Variants in ARHGAP32 observed in about 807,000 individuals in gnomAD.
The protein encoded by ARHGAP32 is rho GTPase-activating protein 32.
Under a neutral mutation model 186.5 loss-of-function variants are expected in ARHGAP32, and 51 were observed. The ratio of observed to expected loss-of-function variants is 0.27; its 90% CI spans 0.22 to 0.35. ARHGAP32 has a LOEUF of 0.35. ARHGAP32 is among the 10% of genes least tolerant of loss of function. The pLI, the probability that ARHGAP32 is intolerant of heterozygous loss-of-function variation, is 1.00. For missense variants in ARHGAP32, 2,186 were observed against 2,623.5 expected (o/e 0.83, Z 3.64); for synonymous variants, 950 against 964.3 (o/e 0.99, Z 0.27).
At chr11:129,144,401 TC>T (rs76691768) in intron 2 of ARHGAP32, among the ~76,000 whole-genome samples, 18,930 of 152,162 alleles carry the variant, frequency 0.12, 1,342 homozygotes, top group Non-Finnish European at 0.15. Context: ...GTTATGCACC[TC>T]CATCAGACTT....
At chr11:129,215,940 T>C (rs1292668363) in intron 1 of ARHGAP32, among the ~76,000 whole-genome samples, 1 of 152,122 alleles carries the variant, frequency 6.6e-6, no homozygotes, top group African/African-American at 2.4e-5. Context: ...AGTCTCTAAA[T>C]GCTCGTTAGA....
At chr11:129,174,643 C>T (rs1364582472) in intron 1 of ARHGAP32, among the ~76,000 whole-genome samples, 2 of 152,174 alleles carry the variant, frequency 1.3e-5, no homozygotes, top group South Asian at 2.1e-4. Context: ...CCCTGACCCC[C>T]GAGCAGCCTA....
intron 15 of ARHGAP32, 131 bp downstream of exon 15, chr11:128,985,856 GTGTATATATATATATA>G: frequency 1.8e-5 from 2 of 108,934 alleles, no homozygotes. Context: ...GTGTGTGTGT[GTGTATATATATATATA>G]TATATATATA....
At chr11:129,050,351 T>C (rs1939991455) in intron 10 of ARHGAP32, among the ~76,000 whole-genome samples, 1 of 152,216 alleles carries the variant, frequency 6.6e-6, no homozygotes, top group Admixed American at 6.5e-5. Context: ...TTAAATTGAA[T>C]TGCTTTCTTC....
intron 1 of ARHGAP32, among the ~76,000 whole-genome samples, chr11:129,224,825 T>TA (rs1591705504): frequency 6.6e-6 from 1 of 150,896 alleles, no homozygotes; most frequent in South Asian, 2.1e-4. Context: ...CTAAAATATT[T>TA]AGAGGGCCAG....
At chr11:129,128,568 T>C (rs940714363) in intron 2 of ARHGAP32, among the ~76,000 whole-genome samples, 68 of 152,002 alleles carry the variant, frequency 4.5e-4, no homozygotes, top group African/African-American at 1.6e-3. Context: ...ATTAAAAATA[T>C]TTCCCTCCCC....
chr11:129,186,635 A>G (rs961983833), intron 1 of ARHGAP32, among the ~76,000 whole-genome samples: 1 of 152,208 alleles, frequency 6.6e-6, no homozygotes, highest in Non-Finnish European at 1.5e-5. Context: ...ATTAATTACC[A>G]GAATATATAA....
intron 10 of ARHGAP32, among the ~76,000 whole-genome samples, chr11:129,045,599 A>C (rs1939775475): frequency 2.6e-5 from 4 of 152,224 alleles, no homozygotes; most frequent in Admixed American, 2.0e-4. Flanking sequence ...TGAATACTTC[A>C]CCTAAGATTT....
chr11:129,012,415 C>T (rs2134833741), intron 11 of ARHGAP32, among the ~76,000 whole-genome samples: 1 of 152,278 alleles, frequency 6.6e-6, no homozygotes, highest in East Asian at 1.9e-4. Flanking sequence ...CTTTAAAAGG[C>T]TTAGAAATAA....
chr11:129,098,563 G>C (rs569087712), intron 5 of ARHGAP32, among the ~76,000 whole-genome samples: 2 of 152,076 alleles, frequency 1.3e-5, no homozygotes, highest in South Asian at 4.2e-4. Context: ...GGGACTACAG[G>C]TGCCTGCCAC....
At chr11:129,006,528 T>C (rs1448444181) in intron 11 of ARHGAP32, among the ~76,000 whole-genome samples, 1 of 152,224 alleles carries the variant, frequency 6.6e-6, no homozygotes, top group Non-Finnish European at 1.5e-5. Context: ...AAGCATTCTC[T>C]GGATTACCGG....
At chr11:129,226,623 G>A (rs919382782) in intron 1 of ARHGAP32, among the ~76,000 whole-genome samples, 2 of 151,978 alleles carry the variant, frequency 1.3e-5, no homozygotes, top group Non-Finnish European at 2.9e-5. Flanking sequence ...AAAACTAACA[G>A]CAAAATGGAA....
chr11:129,207,206 A>AAT (rs1234402282), intron 1 of ARHGAP32, among the ~76,000 whole-genome samples: 1 of 152,174 alleles, frequency 6.6e-6, no homozygotes. Flanking sequence ...ACAGTGTTGC[A>AAT]ATAAACATAC....
At chr11:128,999,932 T>C (rs957858446) in intron 11 of ARHGAP32, among the ~76,000 whole-genome samples, 6 of 152,244 alleles carry the variant, frequency 3.9e-5, no homozygotes, top group Non-Finnish European at 7.3e-5. Context: ...TAAGTAAGAC[T>C]TAAAATGGTG....
chr11:128,976,558 C>T lies in ARHGAP32; in HGVS notation c.2194+5G>A. 1.2e-6 allele frequency: 2 copies of T among 1,611,774 alleles called. No homozygotes were observed. Among genetic ancestry groups the T allele is most frequent in the Non-Finnish European group, 1.7e-6 (2 of 1,178,028 alleles). On this transcript the variant is annotated splice_donor_5th_base_variant and intron_variant, in intron 20 of 22. Transcript: ENST00000682385. ...GAATAAAATGACTGATGCTTTTAGT[C>T]TTACCATCAACTGCATGGAGAGATG...
intron 11 of ARHGAP32, among the ~76,000 whole-genome samples, chr11:129,028,663 T>G (rs977322645): frequency 6.6e-6 from 1 of 152,230 alleles, no homozygotes; most frequent in South Asian, 2.1e-4. Context: ...GAATGACATG[T>G]TTGTCACTTA....
Position 129,271,458 on chromosome 11 carries a change from G to A in ARHGAP32, c.-5+7688C>T, listed in dbSNP as rs541066367. Among the ~76,000 whole-genome samples, 11 of 152,182 alleles carry A rather than the reference G, an allele frequency of 7.2e-5. 1 individual carries two copies. In the East Asian group the frequency reaches 1.9e-3, roughly 27 times the overall value. On this transcript the variant is annotated intron_variant, in intron 1 of 6. Coordinates refer to the ARHGAP32 transcript ENST00000525234. ...TTACTGAGATGGTAAAGACTTGGGGGAGGTAGAGGAAGAAGTCACCAACAG... is the reference window on the plus strand; with the variant it reads ...TTACTGAGATGGTAAAGACTTGGGGAAGGTAGAGGAAGAAGTCACCAACAG...
intron 1 of ARHGAP32, among the ~76,000 whole-genome samples, chr11:129,197,859 CTTT>C (rs750902912): frequency 6.6e-6 from 1 of 152,090 alleles, no homozygotes; most frequent in Non-Finnish European, 1.5e-5. Flanking sequence ...CTCTTTCCTT[CTTT>C]ATTATGGAAC....
intron 1 of ARHGAP32, among the ~76,000 whole-genome samples, chr11:129,167,075 T>A (rs928698781): frequency 6.6e-6 from 1 of 152,022 alleles, no homozygotes; most frequent in African/African-American, 2.4e-5. Context: ...AGGAAAAGAT[T>A]TTTGAAAAAT....
Sources: allele counts gnomAD v4.1 joint callset (sites outside exome capture counted in the v4.1 genomes callset), GRCh38; gene constraint gnomAD v4.1.1; transcripts MANE v1.5; gene names NCBI Gene and HGNC (gene_info 2026-07-23, HGNC 2026-07-21).